TMEM161B: variants seen among roughly 807,000 people sequenced by gnomAD.
TMEM161B encodes transmembrane protein 161B.
Under a neutral mutation model 61.8 loss-of-function variants are expected in TMEM161B, and 34 were observed. The ratio of observed to expected loss-of-function variants is 0.55; its 90% CI spans 0.42 to 0.73. The LOEUF is 0.73. Among genes scored for constraint, TMEM161B ranks in the 30% least tolerant of loss-of-function variants. The probability of loss-of-function intolerance (pLI) is 0.00; values close to 1 mark genes in which losing one functional copy is unlikely to be tolerated. For synonymous variants in TMEM161B, 167 were observed against 192.8 expected (o/e 0.87, Z 1.11); for missense variants, 456 against 558.5 (o/e 0.82, Z 1.85).
downstream of TMEM161B, chr5:88,190,222 G>T: frequency 1.4e-6 from 1 of 701,058 alleles, no homozygotes; most frequent in Non-Finnish European, 2.6e-6. Context: ...CCATAAGCTT[G>T]CATGCCGGGT....
intron 1 of TMEM161B, 119 bp downstream of exon 1, chr5:88,268,602 C>T (rs1259521104): frequency 1.2e-5 from 17 of 1,433,752 alleles, no homozygotes; most frequent in Middle Eastern, 1.8e-4. Flanking sequence ...TACCCAGCAG[C>T]TCATCCCAAC....
chr5:88,266,740 T>C (rs1756425884), intron 1 of TMEM161B, among the ~76,000 whole-genome samples: 1 of 152,200 alleles, frequency 6.6e-6, no homozygotes, highest in South Asian at 2.1e-4. Context: ...TTCACTTCAT[T>C]TAATGGTTAA....
chr5:88,222,846 C>A (rs1447725839), intron 4 of TMEM161B, among the ~76,000 whole-genome samples: 3 of 152,008 alleles, frequency 2.0e-5, no homozygotes, highest in Non-Finnish European at 2.9e-5. Flanking sequence ...ATCAATAATA[C>A]AATTATATAT....
chr5:88,233,336 C>G (rs767285260), intron 2 of TMEM161B, among the ~76,000 whole-genome samples: 5 of 152,142 alleles, frequency 3.3e-5, no homozygotes, highest in Admixed American at 3.3e-4. Flanking sequence ...ATTTAACCAG[C>G]AACCTAAAGA....
intron 1 of TMEM161B, among the ~76,000 whole-genome samples, chr5:88,257,694 C>A (rs1755156643): frequency 6.6e-6 from 1 of 152,182 alleles, no homozygotes; most frequent in South Asian, 2.1e-4. Context: ...CATTTCTAAA[C>A]CACCATCAAA....
intron 2 of TMEM161B, among the ~76,000 whole-genome samples, chr5:88,237,012 G>A (rs1478512489): frequency 1.3e-5 from 2 of 152,156 alleles, no homozygotes; most frequent in Non-Finnish European, 2.9e-5. Flanking sequence ...TGGAACTGAT[G>A]AGCAGCCATA....
intron 5 of TMEM161B, among the ~76,000 whole-genome samples, chr5:88,211,445 C>T (rs1233728961): frequency 6.6e-6 from 1 of 150,640 alleles, no homozygotes; most frequent in Admixed American, 6.6e-5. Context: ...TTCCATCAAG[C>T]AGAACAAAAA....
rs527699617 is a variant in TMEM161B at position 88,244,708 on chromosome 5, A to C, written c.4-3792T>G. On this transcript the variant is annotated intron_variant, in intron 1 of 11. Coordinates refer to ENST00000296595, the MANE Select transcript of TMEM161B (RefSeq NM_153354.5). ...CATTGGCAGTTTTGATAGGAATAGC[A>C]CTGAATCTGCACATTGCTTTGGGCA... Among the ~76,000 whole-genome samples the C allele has an allele frequency of 4.0e-5, 6 of 151,608 alleles. No homozygotes were observed. In the South Asian group the frequency reaches 6.2e-4, roughly 16 times the overall value.
chr5:88,194,427 G>C (rs1318383644), downstream of TMEM161B, among the ~76,000 whole-genome samples: 2 of 152,010 alleles, frequency 1.3e-5, no homozygotes, highest in African/African-American at 2.4e-5. Context: ...CCATGACTTT[G>C]CCACTGTGAA....
At chr5:88,187,634 A>T (rs921535510), downstream of TMEM161B, among the ~76,000 whole-genome samples, 2 of 152,080 alleles carry the variant, frequency 1.3e-5, no homozygotes, top group Non-Finnish European at 2.9e-5. Context: ...TACTTTTTAA[A>T]TGTCTGTAGT....
chr5:88,194,006 A>G (rs1749250030), downstream of TMEM161B, among the ~76,000 whole-genome samples: 2 of 152,112 alleles, frequency 1.3e-5, no homozygotes, highest in Non-Finnish European at 2.9e-5. Context: ...TACATGTTTT[A>G]TTTTAGTTTC....
intron 2 of TMEM161B, among the ~76,000 whole-genome samples, chr5:88,235,357 T>C (rs887495621): frequency 3.9e-5 from 6 of 152,198 alleles, no homozygotes; most frequent in African/African-American, 1.4e-4. Context: ...TTTCATGATA[T>C]ACAACATAGG....
chr5:88,204,476 A>T (rs928597720), intron 8 of TMEM161B, among the ~76,000 whole-genome samples: 1 of 152,168 alleles, frequency 6.6e-6, no homozygotes, highest in Non-Finnish European at 1.5e-5. Context: ...TGGGTAAACC[A>T]TCGGATGTGG....
intron 1 of TMEM161B, among the ~76,000 whole-genome samples, chr5:88,252,761 G>A (rs1277953673): frequency 6.6e-6 from 1 of 152,232 alleles, no homozygotes; most frequent in South Asian, 2.1e-4. Context: ...CCGAACACAC[G>A]GCAAATAGGC....
At chr5:88,202,424 A>G (rs186414780) in intron 9 of TMEM161B, 211 of 167,214 alleles carry the variant, frequency 1.3e-3, no homozygotes, top group Non-Finnish European at 2.3e-3. Context: ...ATTGTTATAT[A>G]GGAAAATATC....
chr5:88,233,143 A>C (rs1751296041), intron 2 of TMEM161B, among the ~76,000 whole-genome samples: 1 of 152,210 alleles, frequency 6.6e-6, no homozygotes, highest in South Asian at 2.1e-4. Flanking sequence ...GGCAGAGGAG[A>C]TATAATCACA....
intron 8 of TMEM161B, among the ~76,000 whole-genome samples, chr5:88,204,015 A>G (rs1200005943): frequency 6.6e-5 from 10 of 151,816 alleles, no homozygotes; most frequent in African/African-American, 2.4e-4. Context: ...CACACTTAAG[A>G]GCTAAACTGG....
At chr5:88,259,630 G>A (rs750287375) in intron 1 of TMEM161B, among the ~76,000 whole-genome samples, 1 of 152,174 alleles carries the variant, frequency 6.6e-6, no homozygotes, top group Non-Finnish European at 1.5e-5. Flanking sequence ...TGCAGTTAAG[G>A]TAGAAGAAAT....
intron 1 of TMEM161B, among the ~76,000 whole-genome samples, chr5:88,253,839 G>T (rs1212910655): frequency 1.3e-5 from 2 of 151,966 alleles, no homozygotes; most frequent in Non-Finnish European, 2.9e-5. Context: ...AAAACTTTTA[G>T]AGAAAAAATA....
Sources: allele counts gnomAD v4.1 joint callset (sites outside exome capture counted in the v4.1 genomes callset), GRCh38; gene constraint gnomAD v4.1.1; transcripts MANE v1.5; gene names NCBI Gene and HGNC (gene_info 2026-07-23, HGNC 2026-07-21).